Variants in IQCE observed in about 807,000 individuals in gnomAD.
IQCE encodes the protein IQ motif containing E.
Under a neutral mutation model 96.0 loss-of-function variants are expected in IQCE, and 115 were observed. That is an observed-to-expected ratio of 1.20 (90% CI 1.03 to 1.40). The LOEUF (loss-of-function observed/expected upper bound fraction) is 1.40. Among genes scored for constraint, IQCE ranks in the 40% most tolerant of loss-of-function variants. The pLI is 0.00. For synonymous variants in IQCE, 412 were observed against 371.2 expected (o/e 1.11, Z -1.26); for missense variants, 1,041 against 909.1 (o/e 1.15, Z -1.87).
intron 13 of IQCE, among the ~76,000 whole-genome samples, chr7:2,589,347 C>A (rs1263054654): frequency 6.6e-6 from 1 of 151,986 alleles, no homozygotes; most frequent in Non-Finnish European, 1.5e-5. Context: ...GTGACAGAGC[C>A]AGACCCCGTC....
intron 15 of IQCE, among the ~76,000 whole-genome samples, chr7:2,593,672 TG>T (rs1213162200): frequency 1.2e-4 from 19 of 152,102 alleles, no homozygotes; most frequent in African/African-American, 4.6e-4. Context: ...GCGCAGGAAA[TG>T]TCCAGAACGG....
rs146884194 is a variant in IQCE at position 2,588,345 on chromosome 7, T to C, written c.1044+468T>C. On this transcript the variant is annotated intron_variant, in intron 13 of 21. Transcript: ENST00000402050. ...TGGAATTGGACCTTTGTTTTGTTTT[T>C]GTTTTTGTTTTTTTTTTCTTTTTTT... 9.5e-3 allele frequency among the ~76,000 whole-genome samples: 1,445 copies of C among 152,164 alleles called. 31 individuals carry two copies. Among genetic ancestry groups the C allele is most frequent in the Middle Eastern group, 0.031 (9 of 292 alleles).
intron 6 of IQCE, among the ~76,000 whole-genome samples, chr7:2,574,187 C>G (rs1355821518): frequency 6.6e-6 from 1 of 152,224 alleles, no homozygotes; most frequent in East Asian, 1.9e-4. Context: ...GCGTTCATTT[C>G]CTTCCATAAT....
chr7:2,581,841 C>T (rs1163039890), intron 8 of IQCE, among the ~76,000 whole-genome samples: 1 of 151,790 alleles, frequency 6.6e-6, no homozygotes, highest in Non-Finnish European at 1.5e-5. Flanking sequence ...TCCCGAGTAG[C>T]TGGGACTACA....
rs778479243 is a variant in IQCE at position 2,573,280 on chromosome 7, T to C, written c.395-138T>C. 2.2e-5 allele frequency: 13 copies of C among 591,386 alleles called. 1 individual carries two copies. The highest frequency in any genetic ancestry group is 1.1e-4 in the South Asian group (6 of 52,412). The allele number at this position is 591,386 out of a possible 1,614,324, so 36.6% of individuals were successfully genotyped here. On this transcript the variant is annotated intron_variant, in intron 5 of 21. Transcript: ENST00000402050. ...AGTATCATGATCAGGCTGGAAAACA[T>C]GGAATTATTTTGGCTTTTTTATTTT...
chr7:2,594,675 A>G (rs1783880252), intron 15 of IQCE, among the ~76,000 whole-genome samples: 1 of 152,182 alleles, frequency 6.6e-6, no homozygotes, highest in African/African-American at 2.4e-5. Context: ...AGAGCAGGAG[A>G]CAACAGGAAG....
chr7:2,575,666 G>T (rs1370994803), intron 6 of IQCE, among the ~76,000 whole-genome samples: 2 of 152,206 alleles, frequency 1.3e-5, no homozygotes, highest in Non-Finnish European at 2.9e-5. Context: ...GTTCCTGCCT[G>T]TCGGTTTCTG....
intron 5 of IQCE, chr7:2,572,596 T>C (rs1392108987): frequency 1.6e-6 from 1 of 614,094 alleles, no homozygotes; most frequent in African/African-American, 1.8e-5. Flanking sequence ...GAGGCGTACT[T>C]AAATTTATTC....
chr7:2,564,260 G>T (rs73287597), intron 1 of IQCE, among the ~76,000 whole-genome samples: 29,091 of 151,820 alleles, frequency 0.19, 3,626 homozygotes, highest in African/African-American at 0.35. Context: ...AATTTCCCTT[G>T]TGATTTCGTC....
chr7:2,589,553 A>G (rs1003820654), intron 13 of IQCE, among the ~76,000 whole-genome samples: 37 of 152,172 alleles, frequency 2.4e-4, no homozygotes, highest in African/African-American at 8.9e-4. Context: ...TCGAGACTGA[A>G]AGCATGAAGG....
chr7:2,591,569 C>T (rs73275150), intron 14 of IQCE, among the ~76,000 whole-genome samples: 2,710 of 152,032 alleles, frequency 0.018, 76 homozygotes, highest in African/African-American at 0.057. Context: ...CGAGGCCCTA[C>T]CCCAGCCTTC....
chr7:2,582,625 T>C lies in IQCE; in HGVS notation c.676T>C (p.Cys226Arg). 1 of 1,613,994 alleles carries C rather than the reference T, an allele frequency of 6.2e-7. No homozygotes were observed. The highest frequency in any genetic ancestry group is 1.7e-5 in the Admixed American group (1 of 59,996). Residue 226 changes from cysteine (C) to arginine (R), a missense_variant, in exon 9 of 22, where the codon TGC (cysteine) becomes CGC (arginine). Cys to Arg is a radical substitution (Grantham distance 180). Coordinates refer to ENST00000402050, the MANE Select transcript of IQCE (RefSeq NM_152558.5). ...GAGGATCCTGAAGCTGGAACAGCAG[T>C]GCAAGGAGAAGGACGGCACCATCAG... The part of the protein sequence containing the change: ...KQRILKLEQQ[C>R]KEKDGTISKL...
chr7:2,595,916 C>T (rs1200726043), intron 16 of IQCE, among the ~76,000 whole-genome samples: 3 of 152,146 alleles, frequency 2.0e-5, no homozygotes, highest in Non-Finnish European at 4.4e-5. Flanking sequence ...GGGTCGCAGC[C>T]ATGCTCTGCT....
chr7:2,597,870 G>A (rs1380793535), intron 16 of IQCE, among the ~76,000 whole-genome samples: 1 of 152,022 alleles, frequency 6.6e-6, no homozygotes, highest in Non-Finnish European at 1.5e-5. Flanking sequence ...GTCTCGCTAT[G>A]TTGGCCAGGC....
chr7:2,587,416 C>T (rs899229330), intron 12 of IQCE, among the ~76,000 whole-genome samples: 2 of 145,750 alleles, frequency 1.4e-5, no homozygotes, highest in African/African-American at 5.1e-5. Context: ...ATGGGGGAGG[C>T]GAGGGGCAGC....
chr7:2,562,285 CAT>C (rs59044593), intron 1 of IQCE, among the ~76,000 whole-genome samples: 38 of 146,210 alleles, frequency 2.6e-4, no homozygotes, highest in East Asian at 9.9e-4. Context: ...AATTAGGGTA[CAT>C]ATATATATAT....
At chr7:2,562,183 A>G (rs537062221) in intron 1 of IQCE, among the ~76,000 whole-genome samples, 1 of 152,164 alleles carries the variant, frequency 6.6e-6, no homozygotes, top group Admixed American at 6.6e-5. Context: ...TTAATATGGA[A>G]TATTGACTGA....
chr7:2,593,811 T>C (rs1783805807), intron 15 of IQCE, among the ~76,000 whole-genome samples: 1 of 152,230 alleles, frequency 6.6e-6, no homozygotes, highest in Non-Finnish European at 1.5e-5. Context: ...CTGCACAGCA[T>C]TGTGAAGATG....
chr7:2,567,083 G>A lies in IQCE; in HGVS notation c.37-33G>A, dbSNP rs115071996. ...GATGGTCGGAAGCCCAGCAGGTGCC[G>A]TCGAGTTACAGTGTTTGCCTCTCTT... is the stretch of plus-strand genomic sequence containing the variant. On this transcript the variant is annotated intron_variant, in intron 1 of 21. Transcript: ENST00000402050. The A allele has an allele frequency of 2.2e-3, 3,457 of 1,602,950 alleles. 62 individuals carry two copies. In the African/African-American group the frequency reaches 0.039, roughly 18 times the overall value.
Sources: allele counts gnomAD v4.1 joint callset (sites outside exome capture counted in the v4.1 genomes callset), GRCh38; gene constraint gnomAD v4.1.1; transcripts MANE v1.5; gene names NCBI Gene and HGNC (gene_info 2026-07-23, HGNC 2026-07-21).